The following ZNF407 variants were observed in gnomAD, a reference collection of about 807,000 sequenced individuals.
ZNF407 encodes zinc finger protein 407.
ZNF407 carries 17 observed loss-of-function variants against 131.2 expected under a neutral mutation model. The ratio of observed to expected loss-of-function variants is 0.13; its 90% CI spans 0.09 to 0.19. The LOEUF is 0.19. Among genes scored for constraint, ZNF407 ranks in the 10% least tolerant of loss-of-function variants. The pLI, the probability that ZNF407 is intolerant of heterozygous loss-of-function variation, is 1.00. For missense variants in ZNF407, 2,681 were observed against 2,830.6 expected, an observed-to-expected ratio of 0.95 and a Z score of 1.20; for synonymous variants, 1,156 against 1,062.0, an observed-to-expected ratio of 1.09 and a Z score of -1.72.
intron 8 of ZNF407, among the ~76,000 whole-genome samples, chr18:75,001,675 C>T (rs1019090411): frequency 6.6e-6 from 1 of 152,190 alleles, no homozygotes; most frequent in Non-Finnish European, 1.5e-5. Flanking sequence ...GTATTTCTGT[C>T]AATTCGCATG....
Position 75,063,943 on chromosome 18 carries a change from G to A in ZNF407, c.6222G>A (p.Val2074=), listed in dbSNP as rs1447419437. ...TGGCCTCTCAGGAGCGGGCACAGGT[G>A]GCCTTCAAGAAGATGGTCCAGGGCG... ...AAMASQERAQ[V]AFKKMVQGVL... is the part of the protein sequence containing the mutation. The change falls in exon 9 of 9, where the codon GTG becomes GTA. Residue 2074 remains valine, a synonymous_variant. Transcript: ENST00000299687. The surrounding 1 kb of genome is among the most constrained non-coding windows in gnomAD (Gnocchi z 6.6). The A allele has an allele frequency of 3.1e-6, 5 of 1,613,736 alleles. 1 individual carries two copies. The South Asian group carries it at 5.5e-5, about 18-fold the overall frequency.
chr18:74,924,693 GAATGCTTTA>G (rs1971889939), intron 8 of ZNF407, among the ~76,000 whole-genome samples: 1 of 152,160 alleles, frequency 6.6e-6, no homozygotes, highest in African/African-American at 2.4e-5. Flanking sequence ...GGATAGCTCA[GAATGCTTTA>G]AATATAACCC....
rs555356430 is a variant in ZNF407 at position 75,046,143 on chromosome 18, CTG to C, written c.5429-17006_5429-17005del. On this transcript the variant is annotated intron_variant, in intron 8 of 8. Transcript: ENST00000299687. Reference sequence around the variant, plus strand: ...TACAATTAGCCCATTAATTTTTAGTCTGCATAACACAGTCAGCTGCTATATAT... The same window carrying C: ...TACAATTAGCCCATTAATTTTTAGTCCATAACACAGTCAGCTGCTATATAT... Among the ~76,000 whole-genome samples, 403 of 152,276 alleles carry C rather than the reference CTG, an allele frequency of 2.6e-3. 1 individual carries two copies. Among genetic ancestry groups the C allele is most frequent in the Non-Finnish European group, 4.5e-3 (306 of 68,010 alleles).
intron 8 of ZNF407, among the ~76,000 whole-genome samples, chr18:75,041,308 C>T (rs949344477): frequency 6.6e-6 from 1 of 152,116 alleles, no homozygotes. Context: ...AAGTGATTGC[C>T]AGTTATTATT....
At chr18:74,692,050 C>T (rs531749514) in intron 3 of ZNF407, among the ~76,000 whole-genome samples, 36 of 152,040 alleles carry the variant, frequency 2.4e-4, no homozygotes, top group South Asian at 1.2e-3. Flanking sequence ...GCTGTGGTTG[C>T]GCCACTGCAC....
intron 8 of ZNF407, among the ~76,000 whole-genome samples, chr18:74,950,782 A>G (rs1055408581): frequency 2.6e-5 from 4 of 152,204 alleles, no homozygotes; most frequent in Non-Finnish European, 4.4e-5. Context: ...GCTAATGGGA[A>G]TACTCCCAAC....
chr18:74,897,642 T>G (rs1047144184), intron 7 of ZNF407, among the ~76,000 whole-genome samples: 5 of 152,184 alleles, frequency 3.3e-5, no homozygotes, highest in African/African-American at 7.2e-5. Context: ...AATTTTTTTT[T>G]GGGCAATAGT....
intron 4 of ZNF407, among the ~76,000 whole-genome samples, chr18:74,809,265 T>C (rs1191787385): frequency 6.6e-6 from 1 of 152,244 alleles, no homozygotes; most frequent in Admixed American, 6.5e-5. Flanking sequence ...GGTTGATAAT[T>C]GTTCGGGATT....
At chr18:75,046,049 G>A (rs896681708) in intron 8 of ZNF407, among the ~76,000 whole-genome samples, 2 of 152,144 alleles carry the variant, frequency 1.3e-5, no homozygotes, top group Admixed American at 6.5e-5. Flanking sequence ...CAAATGATCC[G>A]AAGTCATTCT....
intron 4 of ZNF407, among the ~76,000 whole-genome samples, chr18:74,782,058 TA>T (rs1269318964): frequency 6.6e-6 from 1 of 152,182 alleles, no homozygotes; most frequent in Admixed American, 6.5e-5. Flanking sequence ...CGCATAGACT[TA>T]ATTATATTAG....
At chr18:74,920,979 G>T in intron 8 of ZNF407, 1 of 1,105,680 alleles carries the variant, frequency 9.0e-7, no homozygotes, top group South Asian at 4.5e-5. Context: ...CCTGAAATGA[G>T]AGTAGTTGTT....
At chr18:74,999,462 C>T (rs1185914859) in intron 8 of ZNF407, among the ~76,000 whole-genome samples, 1 of 151,700 alleles carries the variant, frequency 6.6e-6, no homozygotes, top group Non-Finnish European at 1.5e-5. Flanking sequence ...CTGGCTTAAC[C>T]CTTTGGACAT....
intron 3 of ZNF407, among the ~76,000 whole-genome samples, chr18:74,772,086 A>T (rs1969374375): frequency 6.6e-6 from 1 of 152,164 alleles, no homozygotes; most frequent in African/African-American, 2.4e-5. Flanking sequence ...CATGAATTCT[A>T]CTTTTGCATT....
chr18:74,746,128 G>A (rs1456874743), intron 3 of ZNF407, among the ~76,000 whole-genome samples: 4 of 152,170 alleles, frequency 2.6e-5, no homozygotes, highest in African/African-American at 9.7e-5. Flanking sequence ...GCATGCGACT[G>A]TACTGAGTGC....
rs151119969 is a variant in ZNF407, at chr18:75,017,437, G to T, written c.5429-45713G>T. Among the ~76,000 whole-genome samples the T allele has an allele frequency of 5.1e-4, 77 of 152,200 alleles. No individual in the cohort carries two copies. The Middle Eastern group carries it at 0.01, about 20-fold the overall frequency. On this transcript the variant is annotated intron_variant, in intron 8 of 8. Coordinates refer to ENST00000299687, the MANE Select transcript of ZNF407 (RefSeq NM_017757.3). ...CTGCCTGTCTTGTAGGAGGATTAGGGATCCACTGATGTTTTGGCAGGGAGG... is the reference window on the plus strand; with the variant it reads ...CTGCCTGTCTTGTAGGAGGATTAGGTATCCACTGATGTTTTGGCAGGGAGG...
chr18:74,953,194 G>A (rs1037107861), intron 8 of ZNF407, among the ~76,000 whole-genome samples: 23 of 152,124 alleles, frequency 1.5e-4, no homozygotes, highest in Non-Finnish European at 2.6e-4. Context: ...GGTAGTGGAG[G>A]TGATGAAAAT....
At chr18:74,917,500 A>G (rs1335364607) in intron 7 of ZNF407, among the ~76,000 whole-genome samples, 2 of 152,148 alleles carry the variant, frequency 1.3e-5, no homozygotes, top group African/African-American at 4.8e-5. Context: ...TTTTCAAATA[A>G]AAGAAGCTTC....
intron 4 of ZNF407, chr18:74,804,387 A>G (rs2145076785): frequency 9.8e-7 from 1 of 1,024,358 alleles, no homozygotes; most frequent in Admixed American, 5.3e-5. Context: ...CATGTGACAA[A>G]TGCCTGGCAT....
At chr18:74,661,149 A>G (rs895770801) in intron 3 of ZNF407, among the ~76,000 whole-genome samples, 1 of 152,134 alleles carries the variant, frequency 6.6e-6, no homozygotes, top group East Asian at 1.9e-4. Flanking sequence ...ATCCCTTTCC[A>G]TGTAGTACAA....
Sources: allele counts gnomAD v4.1 joint callset (sites outside exome capture counted in the v4.1 genomes callset), GRCh38; gene constraint gnomAD v4.1.1; non-coding constraint Gnocchi (gnomAD v3.1); transcripts MANE v1.5; gene names NCBI Gene and HGNC (gene_info 2026-07-23, HGNC 2026-07-21).